Variants in LATS2 observed in about 807,000 individuals in gnomAD.
LATS2 encodes the protein large tumor suppressor kinase 2.
In LATS2, 24 loss-of-function variants were observed where a neutral mutation model predicts 76.0. That is an observed-to-expected ratio of 0.32 (90% CI 0.23 to 0.44). The LOEUF is 0.44. LATS2 is among the 20% of genes least tolerant of loss of function. LATS2 has a pLI of 1.00. For missense variants in LATS2, 1,286 were observed against 1,481.2 expected (o/e 0.87, Z 2.16); for synonymous variants, 692 against 635.4 (o/e 1.09, Z -1.34).
chr13:21,044,314 T>C (rs746669102), intron 2 of LATS2, among the ~76,000 whole-genome samples: 2 of 152,206 alleles, frequency 1.3e-5, no homozygotes, highest in Non-Finnish European at 2.9e-5. Context: ...AAATAACAAA[T>C]AACACTGTTA....
chr13:20,975,964 G>A (rs1216485098), intron 7 of LATS2, among the ~76,000 whole-genome samples: 2 of 152,204 alleles, frequency 1.3e-5, no homozygotes, highest in Non-Finnish European at 2.9e-5. Context: ...ATGGCTTTCT[G>A]CAAACCATCA....
chr13:21,025,413 A>C (rs567322), intron 2 of LATS2, among the ~76,000 whole-genome samples: 19,312 of 140,168 alleles, frequency 0.14, 2,355 homozygotes, highest in East Asian at 0.5. Context: ...AAAAAAAAAA[A>C]ATTATGGTCA....
chr13:21,002,674 G>A lies in LATS2; in HGVS notation c.343-11270C>T, dbSNP rs1047558639. 2.0e-5 allele frequency among the ~76,000 whole-genome samples: 3 copies of A among 151,976 alleles called. 1 individual carries two copies. Among genetic ancestry groups the A allele is most frequent in the South Asian group, 4.2e-4 (2 of 4,810 alleles). ...ATTACAGGTGTGAGCCATGGTGCCTGGCTATTTTTTTGTTTTAATTTATAA... is the reference window on the plus strand; with the variant it reads ...ATTACAGGTGTGAGCCATGGTGCCTAGCTATTTTTTTGTTTTAATTTATAA... On this transcript the variant is annotated intron_variant, in intron 2 of 7. Transcript: ENST00000382592.
At chr13:21,045,251 C>A (rs1214394674) in intron 2 of LATS2, among the ~76,000 whole-genome samples, 1 of 151,996 alleles carries the variant, frequency 6.6e-6, no homozygotes, top group South Asian at 2.1e-4. Flanking sequence ...ATAGCCAATG[C>A]ATGTTGCTCA....
At position 20,974,553 on chromosome 13, in the gene LATS2, CAA is replaced by C; in HGVS notation, c.*315_*316del. 3.6e-6 allele frequency: 1 copy of C among 281,552 alleles called. No individual in the cohort carries two copies. The highest frequency in any genetic ancestry group is 5.5e-5 in the East Asian group (1 of 18,068). The allele number at this position is 281,552 out of a possible 1,614,324, so 17.4% of individuals were successfully genotyped here. ...AGAAAATAACAGCAGCATGATTTGT[CAA>C]AGTTAATCCCTATAATTTAGTAAGA... On this transcript the variant is annotated 3_prime_UTR_variant, in exon 8 of 8. Coordinates refer to ENST00000382592, the MANE Select transcript of LATS2 (RefSeq NM_014572.3).
intron 1 of LATS2, among the ~76,000 whole-genome samples, chr13:21,059,454 G>C (rs964023708): frequency 6.6e-6 from 1 of 152,174 alleles, no homozygotes; most frequent in South Asian, 2.1e-4. Flanking sequence ...AAAATTAGCC[G>C]GGCGTGGTGG....
intron 2 of LATS2, among the ~76,000 whole-genome samples, chr13:21,036,097 T>A (rs1051336226): frequency 6.6e-6 from 1 of 152,180 alleles, no homozygotes; most frequent in Non-Finnish European, 1.5e-5. Flanking sequence ...GGTTTCACCA[T>A]GTTGGCCAGA....
chr13:21,023,921 C>T (rs951975442), intron 2 of LATS2, among the ~76,000 whole-genome samples: 2 of 151,200 alleles, frequency 1.3e-5, no homozygotes, highest in African/African-American at 2.4e-5. Context: ...AGCAGGGAGA[C>T]GAGATCGCAC....
intron 1 of LATS2, among the ~76,000 whole-genome samples, chr13:21,051,890 G>A (rs1873283905): frequency 6.6e-6 from 1 of 152,208 alleles, no homozygotes; most frequent in Non-Finnish European, 1.5e-5. Context: ...CCAGGAAGTA[G>A]AGGCTGCAGT....
chr13:20,981,219 T>G (rs1275992545), intron 6 of LATS2, among the ~76,000 whole-genome samples: 1 of 152,134 alleles, frequency 6.6e-6, no homozygotes, highest in Non-Finnish European at 1.5e-5. Context: ...CCCTTGGGTC[T>G]AGGTAGAGCC....
intron 1 of LATS2, among the ~76,000 whole-genome samples, chr13:21,061,097 A>T (rs1873628616): frequency 6.6e-6 from 1 of 151,358 alleles, no homozygotes; most frequent in Non-Finnish European, 1.5e-5. Context: ...CTCCTCTGGA[A>T]CCGGCTCCGC....
chr13:20,991,840 C>T lies in LATS2; in HGVS notation c.343-436G>A, dbSNP rs913209515. ...AACTCTGGGACTAGGAAACCTGTCC[C>T]CAGGGAGAGGGTGCAGCTGCCGAAG... On this transcript the variant is annotated intron_variant, in intron 2 of 7. Transcript: ENST00000382592. The surrounding 1 kb of genome is among the most constrained non-coding windows in gnomAD (Gnocchi z 4.9). Among the ~76,000 whole-genome samples the T allele has an allele frequency of 2.6e-5, 4 of 152,154 alleles. No homozygotes were observed. Among genetic ancestry groups the T allele is most frequent in the Non-Finnish European group, 4.4e-5 (3 of 68,040 alleles).
At chr13:21,030,629 A>G (rs1475131750) in intron 2 of LATS2, among the ~76,000 whole-genome samples, 4 of 150,968 alleles carry the variant, frequency 2.6e-5, no homozygotes, top group African/African-American at 9.7e-5. Context: ...AAAAAGAAAA[A>G]GAACTCTACA....
At chr13:21,044,689 GGTGTGTGTGTGT>G (rs71090554) in intron 2 of LATS2, among the ~76,000 whole-genome samples, 12,813 of 137,676 alleles carry the variant, frequency 0.093, 973 homozygotes, top group East Asian at 0.38. Flanking sequence ...GAGGTGTAGG[GGTGTGTGTGTGT>G]GTGTGTGTGT....
chr13:21,059,690 G>A (rs1873562614), intron 1 of LATS2, among the ~76,000 whole-genome samples: 1 of 152,210 alleles, frequency 6.6e-6, no homozygotes, highest in South Asian at 2.1e-4. Context: ...GTCAGGTGGG[G>A]CGCGGTGGCT....
rs201940969 is a variant in LATS2, at chr13:20,974,024, TCA to T, written c.*844_*845del. The T allele has an allele frequency of 5.2e-3, 1,020 of 195,466 alleles. 21 individuals carry two copies. In the East Asian group the frequency reaches 0.061, roughly 12 times the overall value. 12.1% of individuals were successfully genotyped at this position (195,466 alleles called of 1,614,324 possible). A position where few individuals can be genotyped will look rare whatever the true frequency, so the allele number is the denominator to read the frequency against. On this transcript the variant is annotated 3_prime_UTR_variant, in exon 8 of 8. Transcript: ENST00000382592. ...CCAAGACACACACACAAATCACTTCTCAGTTACACATCTGCATTTCTTTAACA... is the reference window on the plus strand; with the variant it reads ...CCAAGACACACACACAAATCACTTCTGTTACACATCTGCATTTCTTTAACA...
At chr13:21,032,574 T>G (rs543829505) in intron 2 of LATS2, among the ~76,000 whole-genome samples, 1 of 152,186 alleles carries the variant, frequency 6.6e-6, no homozygotes, top group Non-Finnish European at 1.5e-5. Context: ...CCTTTTTTTT[T>G]CGTTCTTTTT....
At chr13:21,026,686 T>C (rs1027015353) in intron 2 of LATS2, among the ~76,000 whole-genome samples, 3 of 152,238 alleles carry the variant, frequency 2.0e-5, no homozygotes, top group Non-Finnish European at 2.9e-5. Flanking sequence ...CCTGGCACCA[T>C]AGCTCATGCC....
chr13:21,037,888 G>A (rs545889222), intron 2 of LATS2, among the ~76,000 whole-genome samples: 9 of 152,246 alleles, frequency 5.9e-5, no homozygotes, highest in South Asian at 2.1e-4. Context: ...GGTCCTGTCC[G>A]CCAACTCCCA....
Sources: allele counts gnomAD v4.1 joint callset (sites outside exome capture counted in the v4.1 genomes callset), GRCh38; gene constraint gnomAD v4.1.1; non-coding constraint Gnocchi (gnomAD v3.1); transcripts MANE v1.5; gene names NCBI Gene and HGNC (gene_info 2026-07-23, HGNC 2026-07-21).